FOXM1: variants seen among roughly 807,000 people sequenced by gnomAD.
The protein encoded by FOXM1 is forkhead box protein M1.
FOXM1 carries 25 observed loss-of-function variants against 63.6 expected under a neutral mutation model. That is an observed-to-expected ratio of 0.39 (90% CI 0.29 to 0.55). The LOEUF (loss-of-function observed/expected upper bound fraction) is 0.55, where lower values mean the gene tolerates loss of function less well. Ranked by LOEUF, FOXM1 falls within the 20% of genes least tolerant of loss-of-function variation. FOXM1 has a pLI of 0.60. For synonymous variants in FOXM1, 387 were observed against 376.9 expected (o/e 1.03, Z -0.31); for missense variants, 879 against 958.7 (o/e 0.92, Z 1.10).
In FOXM1 at chr12:2,861,342, G is replaced by A. The variant is rs149952467; in HGVS notation, c.1267-1679C>T. On this transcript the variant is annotated intron_variant, in intron 8 of 8. Transcript: ENST00000359843. ...AAAATTAAACAAGCTGGTGATGGGT[G>A]TACCAAAATCTCGCAGATCGCCACT... The A allele has an allele frequency of 1.2e-3, 858 of 741,092 alleles. 4 individuals carry two copies. The highest frequency in any genetic ancestry group is 9.9e-3 in the African/African-American group (569 of 57,192). 45.9% of individuals were successfully genotyped at this position (741,092 alleles called of 1,614,324 possible). A position where few individuals can be genotyped will look rare whatever the true frequency, so the allele number is the denominator to read the frequency against.
chr12:2,864,724 C>G lies in FOXM1; in HGVS notation c.1049G>C (p.Arg350Pro). 1 of 1,614,146 alleles carries G rather than the reference C, an allele frequency of 6.2e-7. No homozygotes were observed. The highest frequency in any genetic ancestry group is 1.3e-5 in the African/African-American group (1 of 75,042). Residue 350 changes from arginine (R) to proline (P), a missense_variant, in exon 7 of 9, where the codon CGC (arginine) becomes CCC (proline). This residue lies in a region of FOXM1 where 76 missense variants were observed against 94.5 expected (regional missense o/e 0.80). Transcript: ENST00000359843. The surrounding 1 kb of genome is among the most constrained non-coding windows in gnomAD (Gnocchi z 5.1). ...SQQKRPNPEL[R>P]RNMTIKTELP... ...TTCGGTTTTGATGGTCATGTTCCGG[C>G]GGAGCTCTGGATTCGGTCGTTTCTG...
chr12:2,858,574 GTGCACTGAGCCTTGGAGTGCCCGGGA>G lies in FOXM1; in HGVS notation c.*38_*63del. 1 of 1,411,874 alleles carries G rather than the reference GTGCACTGAGCCTTGGAGTGCCCGGGA, an allele frequency of 7.1e-7. No homozygotes were observed. The highest frequency in any genetic ancestry group is 9.8e-7 in the Non-Finnish European group (1 of 1,024,356). The allele number at this position is 1,411,874 out of a possible 1,614,324, so 87.5% of individuals were successfully genotyped here. A position where few individuals can be genotyped will look rare whatever the true frequency, so the allele number is the denominator to read the frequency against. On this transcript the variant is annotated 3_prime_UTR_variant, in exon 9 of 9. Transcript: ENST00000359843. ...TGCTGTCCTCACTCAGAGGCTTGGGGTGCACTGAGCCTTGGAGTGCCCGGGATGGTGGACAGCTTGAGCACAGGGGC... is the reference window on the plus strand; with the variant it reads ...TGCTGTCCTCACTCAGAGGCTTGGGGTGGTGGACAGCTTGAGCACAGGGGC...
intron 8 of FOXM1, 154 bp from the exon 9 acceptor site, chr12:2,859,817 T>A: frequency 3.2e-6 from 2 of 622,486 alleles, no homozygotes; most frequent in South Asian, 4.1e-5. Flanking sequence ...GTAGTTCAAT[T>A]CTGGGGGTAA....
Position 2,859,434 on chromosome 12 carries a change from G to A in FOXM1, c.1496C>T (p.Ser499Phe), listed in dbSNP as rs1343911355. The A allele has an allele frequency of 6.2e-7, 1 of 1,613,958 alleles. No individual in the cohort carries two copies. The highest frequency in any genetic ancestry group is 8.5e-7 in the Non-Finnish European group (1 of 1,180,036). ...SPAPSFKEES[S>F]HSWEDSSQSP... ...TTGGGACGAATCCTCCCAGGAGTGA[G>A]ATGATTCCTCTTTGAAAGATGGGGC... Residue 499 changes from serine (S) to phenylalanine (F), a missense_variant, in exon 9 of 9, where the codon TCT becomes TTT. By Grantham distance (155) the Ser-to-Phe change is radical. Around this residue, in one of 4 missense-constraint regions of FOXM1, gnomAD observed 486 missense variants for 453.5 expected, o/e 1.07. Transcript: ENST00000359843.
chr12:2,859,999 C>T (rs1329871216), intron 8 of FOXM1, among the ~76,000 whole-genome samples: 1 of 151,872 alleles, frequency 6.6e-6, no homozygotes, highest in East Asian at 1.9e-4. Flanking sequence ...AAAGTTGGTA[C>T]ACAACCCCCA....
At chr12:2,876,049 C>G (rs2098142875) in intron 1 of FOXM1, among the ~76,000 whole-genome samples, 1 of 152,146 alleles carries the variant, frequency 6.6e-6, no homozygotes, top group Non-Finnish European at 1.5e-5. Flanking sequence ...GCGTGAGCCA[C>G]TGCGCCCGGC....
chr12:2,860,447 A>G (rs1286612204), intron 8 of FOXM1, among the ~76,000 whole-genome samples: 1 of 152,076 alleles, frequency 6.6e-6, no homozygotes, highest in Non-Finnish European at 1.5e-5. Context: ...TCATTACACC[A>G]CTGCACTCCA....
chr12:2,870,673 A>G (rs2098131596), intron 3 of FOXM1, among the ~76,000 whole-genome samples: 1 of 147,380 alleles, frequency 6.8e-6, no homozygotes, highest in Non-Finnish European at 1.5e-5. Flanking sequence ...AAAAGAAAAA[A>G]AAAGAGGCCG....
chr12:2,861,314 GATAAA>G, intron 8 of FOXM1: 1 of 732,670 alleles, frequency 1.4e-6, no homozygotes, highest in South Asian at 1.5e-5. Context: ...AACAAAGAAA[GATAAA>G]ATTAAACAAG....
At position 2,872,202 on chromosome 12, in the gene FOXM1, T is replaced by C. The variant is rs2098134326; in HGVS notation, c.548A>G (p.Asn183Ser). The C allele has an allele frequency of 6.2e-7, 1 of 1,614,234 alleles. No individual in the cohort carries two copies. The highest frequency in any genetic ancestry group is 8.5e-7 in the Non-Finnish European group (1 of 1,180,044). Residue 183 changes from asparagine to serine, a missense_variant, in exon 3 of 9, where the codon AAC becomes AGC. Coordinates refer to ENST00000359843, the MANE Select transcript of FOXM1 (RefSeq NM_021953.4). This position sits in a 1 kb window ranked among gnomAD's most constrained non-coding sequence, Gnocchi z 4.0. ...ACTCATCTTTCGAAGCCACTGGATGTTGGATAGGCTATTGTTGATAGTGCA... is the reference window on the plus strand; with the variant it reads ...ACTCATCTTTCGAAGCCACTGGATGCTGGATAGGCTATTGTTGATAGTGCA... ...AGCTINNSLSNIQWLRKMSSD... is the reference protein window; with the variant it reads ...AGCTINNSLSSIQWLRKMSSD...
chr12:2,864,705 T>TTTGATGGTC lies in FOXM1; in HGVS notation c.1059_1067dup (p.Ile355_Thr357dup). The TTTGATGGTC allele has an allele frequency of 6.2e-7, 1 of 1,614,068 alleles. No homozygotes were observed. Among genetic ancestry groups the TTTGATGGTC allele is most frequent in the Non-Finnish European group, 8.5e-7 (1 of 1,179,998 alleles). On this transcript the variant is annotated inframe_insertion, in exon 7 of 9. Transcript: ENST00000359843. The surrounding 1 kb of genome is among the most constrained non-coding windows in gnomAD (Gnocchi z 5.1). ...AACGTGCGCCCAGGGGGAGTTCGGT[T>TTTGATGGTC]TTGATGGTCATGTTCCGGCGGAGCT...
In FOXM1 at chr12:2,868,597, G is replaced by A; in HGVS notation, c.812C>T (p.Pro271Leu). 6.2e-7 allele frequency: 1 copy of A among 1,613,416 alleles called. No homozygotes were observed. ...TGGCTTGGCAATGTGCTTAAAGTAG[G>A]GAAAGTGGTCCTCAATCCACGTATA... is the stretch of plus-strand genomic sequence containing the variant. ...DIYTWIEDHF[P>L]YFKHIAKPGW... Residue 271 changes from proline to leucine, a missense_variant, in exon 4 of 9, where the codon CCC becomes CTC. By Grantham distance (98) the Pro-to-Leu change is moderately conservative (BLOSUM62 -3). Around this residue, in one of 4 missense-constraint regions of FOXM1, gnomAD observed 62 missense variants for 118.2 expected, o/e 0.52. Transcript: ENST00000359843.
At chr12:2,867,156 C>A (rs28918670) in intron 4 of FOXM1, among the ~76,000 whole-genome samples, 1,834 of 150,960 alleles carry the variant, frequency 0.012, 35 homozygotes, top group African/African-American at 0.041. Context: ...CCGTCTCAAA[C>A]AAACAAACAA....
chr12:2,864,020 T>C lies in FOXM1; in HGVS notation c.1266+300A>G, dbSNP rs755207524. 65 of 278,492 alleles carry C rather than the reference T, an allele frequency of 2.3e-4. No homozygotes were observed. The highest frequency in any genetic ancestry group is 3.6e-4 in the Non-Finnish European group (52 of 145,290). 17.3% of individuals were successfully genotyped at this position (278,492 alleles called of 1,614,324 possible). ...GCGCCCGGCCAAATCCATCTCTTTCTAAGGCCTGCCTCCCTTGTGTATCTT... is the reference window on the plus strand; with the variant it reads ...GCGCCCGGCCAAATCCATCTCTTTCCAAGGCCTGCCTCCCTTGTGTATCTT... On this transcript the variant is annotated intron_variant, in intron 8 of 8. Coordinates refer to ENST00000359843, the MANE Select transcript of FOXM1 (RefSeq NM_021953.4). The surrounding 1 kb of genome is among the most constrained non-coding windows in gnomAD (Gnocchi z 5.1).
chr12:2,872,481 C>T lies in FOXM1; in HGVS notation c.503-234G>A, dbSNP rs1415612992. ...AAAATTAGCTGGGTGTGGTGGCACA[C>T]GCCTGTAGTCCCAGCTACTCAGGAG... On this transcript the variant is annotated intron_variant, in intron 2 of 8. Coordinates refer to ENST00000359843, the MANE Select transcript of FOXM1 (RefSeq NM_021953.4). This position sits in a 1 kb window ranked among gnomAD's most constrained non-coding sequence, Gnocchi z 4.0. Among the ~76,000 whole-genome samples the T allele has an allele frequency of 6.6e-6, 1 of 152,102 alleles. No individual in the cohort carries two copies. The highest frequency in any genetic ancestry group is 2.4e-5 in the African/African-American group (1 of 41,422).
Position 2,864,636 on chromosome 12 carries a change from G to A in FOXM1, c.1090+47C>T. The A allele has an allele frequency of 6.2e-7, 1 of 1,603,146 alleles. No individual in the cohort carries two copies. On this transcript the variant is annotated intron_variant, in intron 7 of 8. Coordinates refer to ENST00000359843, the MANE Select transcript of FOXM1 (RefSeq NM_021953.4). This position sits in a 1 kb window ranked among gnomAD's most constrained non-coding sequence, Gnocchi z 5.1. ...CCAGAGTCTGGTTCCCTAAAGATAT[G>A]GCCCCAGAACAAGGACCAGGCCCAA...
intron 4 of FOXM1, among the ~76,000 whole-genome samples, chr12:2,867,046 G>T (rs990074150): frequency 1.3e-5 from 2 of 152,136 alleles, no homozygotes; most frequent in African/African-American, 4.8e-5. Flanking sequence ...CCAGCTACTC[G>T]GGAGGCTGAG....
rs767649634 is a variant in FOXM1, at chr12:2,859,250, C to T, written c.1680G>A (p.Leu560=). The part of the protein sequence containing the change: ...LLPPCVDEPE[L]LFSEGPSTSR... ...AAGTACTGGGCCCCTCTGAGAAGAG[C>T]AGCTCCGGCTCATCCACACAGGGAG... The change falls in exon 9 of 9, where the codon CTG becomes CTA. Residue 560 remains leucine, a synonymous_variant. Transcript: ENST00000359843. 2.5e-6 allele frequency: 4 copies of T among 1,613,732 alleles called. No homozygotes were observed. The highest frequency in any genetic ancestry group is 3.4e-6 in the Non-Finnish European group (4 of 1,179,996).
Position 2,866,443 on chromosome 12 carries a change from TC to T in FOXM1, c.924del (p.Trp308Ter). 1 of 1,569,880 alleles carries T rather than the reference TC, an allele frequency of 6.4e-7. No homozygotes were observed. Among genetic ancestry groups the T allele is most frequent in the African/African-American group, 1.4e-5 (1 of 72,402 alleles). On this transcript the variant is annotated frameshift_variant, in exon 5 of 9. Transcript: ENST00000359843. LOFTEE classifies it high-confidence loss of function. ...TAGCGGTTGGCACTGGGGTGAATGG[TC>T]CAGAAGGAGACCTTGCCATTGGCAG... The part of the protein sequence containing the change: ...ETSANGKVSF[W>X]TIHPSANRYL...
Sources: allele counts gnomAD v4.1 joint callset (sites outside exome capture counted in the v4.1 genomes callset), GRCh38; gene constraint gnomAD v4.1.1; regional missense constraint gnomAD v4.1.1; non-coding constraint Gnocchi (gnomAD v3.1); transcripts MANE v1.5; gene names NCBI Gene and HGNC (gene_info 2026-07-23, HGNC 2026-07-21).